The following PSPC1 variants were observed in gnomAD, a reference collection of about 807,000 sequenced individuals.
PSPC1 encodes paraspeckle component 1.
A neutral mutation model predicts 51.6 loss-of-function variants in PSPC1; 14 were observed. The ratio of observed to expected loss-of-function variants is 0.27; its 90% CI spans 0.18 to 0.42. The LOEUF is 0.42. Ranked by LOEUF, PSPC1 falls within the 10% of genes least tolerant of loss-of-function variation. The probability of loss-of-function intolerance (pLI) is 1.00; values close to 1 mark genes in which losing one functional copy is unlikely to be tolerated. For synonymous variants in PSPC1, 193 were observed against 231.9 expected (o/e 0.83, Z 1.53); for missense variants, 406 against 701.1 (o/e 0.58, Z 4.75).
intron 1 of PSPC1, among the ~76,000 whole-genome samples, chr13:19,778,506 C>T (rs1024036866): frequency 3.5e-5 from 5 of 142,564 alleles, no homozygotes; most frequent in Non-Finnish European, 6.2e-5. Flanking sequence ...CTCAGTCTGC[C>T]GAATGCCTGC....
chr13:19,695,676 T>C (rs1053577577), intron 6 of PSPC1, among the ~76,000 whole-genome samples: 7 of 152,072 alleles, frequency 4.6e-5, no homozygotes, highest in African/African-American at 1.4e-4. Context: ...ATGTATAAGA[T>C]GACACAAAGT....
At chr13:19,778,261 T>C (rs1329230306) in intron 1 of PSPC1, among the ~76,000 whole-genome samples, 1 of 150,726 alleles carries the variant, frequency 6.6e-6, no homozygotes, top group Admixed American at 6.7e-5. Context: ...AATTACACTA[T>C]CTTAAAGGTT....
At chr13:19,698,562 A>G (rs960171752), downstream of PSPC1, among the ~76,000 whole-genome samples, 1 of 151,862 alleles carries the variant, frequency 6.6e-6, no homozygotes, top group African/African-American at 2.4e-5. Context: ...TCTATTCTTA[A>G]TTTTGAGACT....
At chr13:19,713,206 TTA>T (rs1881656527) in intron 6 of PSPC1, among the ~76,000 whole-genome samples, 1 of 152,156 alleles carries the variant, frequency 6.6e-6, no homozygotes, top group Non-Finnish European at 1.5e-5. Context: ...TAATAATGCT[TTA>T]TTACATTACA....
intron 4 of PSPC1, among the ~76,000 whole-genome samples, chr13:19,746,999 T>A (rs1298517919): frequency 6.6e-6 from 1 of 151,892 alleles, no homozygotes; most frequent in Non-Finnish European, 1.5e-5. Flanking sequence ...TCCCAGCTAC[T>A]CAAGAGGCTG....
rs68120306 is a variant in PSPC1 at position 19,765,497 on chromosome 13, ATTTTTT to A, written c.675-6085_675-6080del. On this transcript the variant is annotated intron_variant, in intron 2 of 8. Transcript: ENST00000338910. Reference sequence around the variant, plus strand: ...TGGTAATTTTAAGAAAAGGGATCTAATTTTTTTTTTTTTTTTTTTGAGAGACGGGTC... The same window carrying A: ...TGGTAATTTTAAGAAAAGGGATCTAATTTTTTTTTTTTTGAGAGACGGGTC... Among the ~76,000 whole-genome samples, 232 of 124,344 alleles carry A rather than the reference ATTTTTT, an allele frequency of 1.9e-3. 5 individuals are homozygous for A. The East Asian group carries it at 0.05, about 27-fold the overall frequency. The allele number at this position is 124,344 out of a possible 152,430, so 81.6% of individuals were successfully genotyped here. A position where few individuals can be genotyped will look rare whatever the true frequency, so the allele number is the denominator to read the frequency against.
intron 6 of PSPC1, among the ~76,000 whole-genome samples, chr13:19,721,090 C>CA: frequency 6.6e-6 from 1 of 152,174 alleles, no homozygotes; most frequent in South Asian, 2.1e-4. Context: ...GATGATACTA[C>CA]AGAGATACTA....
At chr13:19,686,392 A>C (rs961110417) in intron 6 of PSPC1, among the ~76,000 whole-genome samples, 1 of 152,184 alleles carries the variant, frequency 6.6e-6, no homozygotes, top group Non-Finnish European at 1.5e-5. Context: ...TCAACATTTC[A>C]GTAGCAGGGG....
At chr13:19,729,639 A>T (rs945614797) in intron 6 of PSPC1, among the ~76,000 whole-genome samples, 2 of 138,264 alleles carry the variant, frequency 1.4e-5, no homozygotes, top group Admixed American at 7.1e-5. Flanking sequence ...CCAAATGTTT[A>T]AAAAAAAAAA....
intron 1 of PSPC1, among the ~76,000 whole-genome samples, chr13:19,777,405 G>A (rs1430327183): frequency 6.8e-6 from 1 of 146,198 alleles, no homozygotes; most frequent in Admixed American, 6.9e-5. Context: ...ACTCCAGCCT[G>A]GGCGACACAG....
chr13:19,748,574 G>T lies in PSPC1; in HGVS notation c.967+2697C>A, dbSNP rs1257248843. 2.0e-5 allele frequency among the ~76,000 whole-genome samples: 3 copies of T among 152,118 alleles called. No individual in the cohort carries two copies. The East Asian group carries it at 5.8e-4, about 29-fold the overall frequency. On this transcript the variant is annotated intron_variant, in intron 4 of 8. Transcript: ENST00000338910. ...AGAAAAAACTGAAGTCTAAGGAAATGTTCTTTGCCATCAATATATCCTCAG... is the reference window on the plus strand; with the variant it reads ...AGAAAAAACTGAAGTCTAAGGAAATTTTCTTTGCCATCAATATATCCTCAG...
chr13:19,762,089 T>C (rs1024837288), intron 2 of PSPC1, among the ~76,000 whole-genome samples: 1 of 152,190 alleles, frequency 6.6e-6, no homozygotes, highest in Non-Finnish European at 1.5e-5. Flanking sequence ...TTGTAAACTT[T>C]TCACATGTAA....
intron 1 of PSPC1, among the ~76,000 whole-genome samples, chr13:19,774,661 G>A (rs979761888): frequency 5.9e-5 from 9 of 151,674 alleles, no homozygotes; most frequent in South Asian, 2.1e-4. Flanking sequence ...AAAATTAGCC[G>A]GGGCATGGTG....
At chr13:19,779,840 C>T (rs1163184751) in intron 1 of PSPC1, among the ~76,000 whole-genome samples, 1 of 106,814 alleles carries the variant, frequency 9.4e-6, no homozygotes, top group African/African-American at 3.6e-5. Flanking sequence ...CCCGGCCAGC[C>T]GCCCCATCCG....
At chr13:19,753,431 C>T (rs1462818378) in intron 3 of PSPC1, among the ~76,000 whole-genome samples, 1 of 152,076 alleles carries the variant, frequency 6.6e-6, no homozygotes, top group Admixed American at 6.6e-5. Context: ...AGATGAGGTA[C>T]CACTACGTTT....
chr13:19,736,661 C>T (rs145920348), intron 5 of PSPC1, among the ~76,000 whole-genome samples: 2,711 of 151,918 alleles, frequency 0.018, 82 homozygotes, highest in African/African-American at 0.062. Context: ...CCAGCCTGGG[C>T]GACAGAGTGA....
rs372057597 is a variant in PSPC1 at position 19,777,601 on chromosome 13, C to T, written c.372+4785G>A. On this transcript the variant is annotated intron_variant, in intron 1 of 8. Transcript: ENST00000338910. ...ATATTTCATTATTATTAATAGTTTGCGAATATTTACCCTTCTCTTGAAGCC... is the reference window on the plus strand; with the variant it reads ...ATATTTCATTATTATTAATAGTTTGTGAATATTTACCCTTCTCTTGAAGCC... 1.3e-3 allele frequency among the ~76,000 whole-genome samples: 200 copies of T among 151,998 alleles called. 1 individual carries two copies. Among genetic ancestry groups the T allele is most frequent in the African/African-American group, 4.5e-3 (185 of 41,458 alleles).
chr13:19,782,253 T>C lies in PSPC1; in HGVS notation c.372+133A>G. On this transcript the variant is annotated intron_variant, in intron 1 of 8. Coordinates refer to ENST00000338910, the MANE Select transcript of PSPC1 (RefSeq NM_001354909.2). This position sits in a 1 kb window ranked among gnomAD's most constrained non-coding sequence, Gnocchi z 4.5. ...AAGCGGCCAACCCCGCACAGAGGAA[T>C]CGATGAGGCCGAGCGGCGCCACGGT... 1 of 1,357,088 alleles carries C rather than the reference T, an allele frequency of 7.4e-7. No homozygotes were observed. Among genetic ancestry groups the C allele is most frequent in the Non-Finnish European group, 9.7e-7 (1 of 1,035,322 alleles). The allele number at this position is 1,357,088 out of a possible 1,614,324, so 84.1% of individuals were successfully genotyped here.
chr13:19,732,646 G>A (rs544212598), intron 5 of PSPC1, among the ~76,000 whole-genome samples: 1 of 152,252 alleles, frequency 6.6e-6, no homozygotes, highest in South Asian at 2.1e-4. Context: ...AAAAACTTTT[G>A]GCAGGGCGCG....
Sources: allele counts gnomAD v4.1 joint callset (sites outside exome capture counted in the v4.1 genomes callset), GRCh38; gene constraint gnomAD v4.1.1; non-coding constraint Gnocchi (gnomAD v3.1); transcripts MANE v1.5; gene names NCBI Gene and HGNC (gene_info 2026-07-23, HGNC 2026-07-21).